The following FAM53B variants were observed in gnomAD, a reference collection of about 807,000 sequenced individuals.
The protein encoded by FAM53B is protein FAM53B.
A neutral mutation model predicts 32.7 loss-of-function variants in FAM53B; 12 were observed. The observed-to-expected ratio is 0.37, with a 90% CI of 0.24 to 0.59. The LOEUF (loss-of-function observed/expected upper bound fraction) is 0.59. Ranked by LOEUF, FAM53B falls within the 20% of genes least tolerant of loss-of-function variation. The pLI, the probability that FAM53B is intolerant of heterozygous loss-of-function variation, is 0.72. For synonymous variants in FAM53B, 234 were observed against 228.7 expected, an observed-to-expected ratio of 1.02 and a Z score of -0.21; for missense variants, 477 against 577.7, an observed-to-expected ratio of 0.83 and a Z score of 1.79.
At chr10:124,667,591 G>A (rs1949681086) in intron 4 of FAM53B, among the ~76,000 whole-genome samples, 2 of 152,192 alleles carry the variant, frequency 1.3e-5, no homozygotes, top group South Asian at 4.1e-4. Context: ...GGCTGGGAGA[G>A]GCTCCTGTTC....
chr10:124,645,512 G>A (rs957049694), intron 4 of FAM53B, among the ~76,000 whole-genome samples: 2 of 152,190 alleles, frequency 1.3e-5, no homozygotes, highest in Non-Finnish European at 2.9e-5. Context: ...AGGCAGACAG[G>A]TGAGGGTAAA....
chr10:124,674,349 C>T (rs1333273488), intron 4 of FAM53B, among the ~76,000 whole-genome samples: 2 of 152,240 alleles, frequency 1.3e-5, no homozygotes, highest in South Asian at 4.1e-4. Flanking sequence ...TTACTGAGCA[C>T]GTGTCCTGGG....
chr10:124,696,872 G>A (rs891337416), intron 2 of FAM53B, among the ~76,000 whole-genome samples: 6 of 152,122 alleles, frequency 3.9e-5, no homozygotes, highest in African/African-American at 1.4e-4. Flanking sequence ...TTCCACAATG[G>A]TTTCCCTTTC....
In FAM53B at chr10:124,657,062, A is replaced by G. The variant is rs545954223; in HGVS notation, c.906+24545T>C. Among the ~76,000 whole-genome samples the G allele has an allele frequency of 7.3e-4, 58 of 79,336 alleles. No homozygotes were observed. In the South Asian group the frequency reaches 0.027, roughly 37 times the overall value. The allele number at this position is 79,336 out of a possible 152,430, so 52.0% of individuals were successfully genotyped here. On this transcript the variant is annotated intron_variant, in intron 4 of 4. Transcript: ENST00000337318. Reference sequence around the variant, plus strand: ...AATATATATATATATGTATATATGTATATATATATGTATATATATGTGTGT... The same window carrying G: ...AATATATATATATATGTATATATGTGTATATATATGTATATATATGTGTGT...
chr10:124,712,978 G>A (rs1185495463), intron 1 of FAM53B, among the ~76,000 whole-genome samples: 1 of 152,242 alleles, frequency 6.6e-6, no homozygotes, highest in Admixed American at 6.5e-5. Context: ...AAACTTGCCA[G>A]CATTGTGCCC....
At chr10:124,717,204 A>C (rs993251972) in intron 1 of FAM53B, among the ~76,000 whole-genome samples, 1 of 152,158 alleles carries the variant, frequency 6.6e-6, no homozygotes, top group Non-Finnish European at 1.5e-5. Context: ...CAGTTCCCTC[A>C]TGAGTCAAAT....
chr10:124,669,351 C>T (rs78461478), intron 4 of FAM53B, among the ~76,000 whole-genome samples: 3 of 152,142 alleles, frequency 2.0e-5, no homozygotes, highest in Admixed American at 6.5e-5. Flanking sequence ...AGAACTAAAG[C>T]GCTCTTCCAG....
intron 4 of FAM53B, among the ~76,000 whole-genome samples, chr10:124,659,705 A>G (rs10901799): frequency 0.4 from 61,606 of 152,190 alleles, 13,803 homozygotes; most frequent in Non-Finnish European, 0.51. Flanking sequence ...CATTACCACA[A>G]GCTCATCTCC....
At chr10:124,726,577 C>T (rs184886343) in intron 1 of FAM53B, among the ~76,000 whole-genome samples, 27 of 152,312 alleles carry the variant, frequency 1.8e-4, no homozygotes, top group African/African-American at 6.3e-4. Context: ...TTCAGCAAAC[C>T]ATTTGGAATG....
chr10:124,739,057 C>CAAAAAAAAAAAAAAAAAAAAAA, intron 1 of FAM53B, among the ~76,000 whole-genome samples: 1 of 144,148 alleles, frequency 6.9e-6, no homozygotes, highest in Non-Finnish European at 1.5e-5. Context: ...AAAAAAAAAA[C>CAAAAAAAAAAAAAAAAAAAAAA]AAAAAACAAA....
At chr10:124,640,081 G>C (rs1949460753) in intron 4 of FAM53B, among the ~76,000 whole-genome samples, 1 of 152,220 alleles carries the variant, frequency 6.6e-6, no homozygotes, top group Admixed American at 6.5e-5. Context: ...AGCAAGCCTT[G>C]CCTGCTGCTT....
chr10:124,721,249 G>A (rs528838637), intron 1 of FAM53B, among the ~76,000 whole-genome samples: 1 of 152,350 alleles, frequency 6.6e-6, no homozygotes, highest in South Asian at 2.1e-4. Flanking sequence ...TGGGATGGGT[G>A]CAAAGTCACC....
At chr10:124,723,417 G>A (rs1030160479) in intron 1 of FAM53B, among the ~76,000 whole-genome samples, 1 of 152,150 alleles carries the variant, frequency 6.6e-6, no homozygotes, top group Non-Finnish European at 1.5e-5. Flanking sequence ...GGAGGGGCTG[G>A]GCTCAAAAGT....
At chr10:124,637,896 T>C (rs914079744) in intron 4 of FAM53B, among the ~76,000 whole-genome samples, 6 of 152,310 alleles carry the variant, frequency 3.9e-5, no homozygotes, top group Non-Finnish European at 8.8e-5. Flanking sequence ...ATGGAGCCTC[T>C]CTGTGCAGGC....
chr10:124,685,389 AGCCC>A (rs1949796319), intron 3 of FAM53B, among the ~76,000 whole-genome samples: 1 of 152,252 alleles, frequency 6.6e-6, no homozygotes, highest in Non-Finnish European at 1.5e-5. Context: ...GGGGGCCCAC[AGCCC>A]GCCCTCTGCT....
At chr10:124,624,356 G>C (rs937487757) in intron 4 of FAM53B, among the ~76,000 whole-genome samples, 2 of 152,232 alleles carry the variant, frequency 1.3e-5, no homozygotes, top group Non-Finnish European at 2.9e-5. Flanking sequence ...TGGAGACACA[G>C]AGTCTCTAGA....
intron 4 of FAM53B, among the ~76,000 whole-genome samples, chr10:124,664,573 A>G (rs1165460795): frequency 6.6e-6 from 1 of 152,202 alleles, no homozygotes; most frequent in Admixed American, 6.5e-5. Flanking sequence ...CTCTGCGCAG[A>G]TGGCACAAAG....
At chr10:124,685,129 T>C (rs1490181325) in intron 3 of FAM53B, among the ~76,000 whole-genome samples, 1 of 152,196 alleles carries the variant, frequency 6.6e-6, no homozygotes. Context: ...TATAAAACTG[T>C]ATAGAGGGTG....
At chr10:124,736,776 G>A (rs568591857) in intron 1 of FAM53B, among the ~76,000 whole-genome samples, 20 of 152,350 alleles carry the variant, frequency 1.3e-4, no homozygotes, top group Middle Eastern at 6.8e-3. Context: ...GACACACAGC[G>A]GCCCCAGACA....
Sources: allele counts gnomAD v4.1 joint callset (sites outside exome capture counted in the v4.1 genomes callset), GRCh38; gene constraint gnomAD v4.1.1; transcripts MANE v1.5; gene names NCBI Gene and HGNC (gene_info 2026-07-23, HGNC 2026-07-21).